The following MPDZ variants were observed in gnomAD, a reference collection of about 807,000 sequenced individuals.
The protein encoded by MPDZ is multiple PDZ domain protein.
A neutral mutation model predicts 239.1 loss-of-function variants in MPDZ; 234 were observed. The ratio of observed to expected loss-of-function variants is 0.98; its 90% confidence interval spans 0.88 to 1.09. The LOEUF (loss-of-function observed/expected upper bound fraction) is 1.09, where lower values mean the gene tolerates loss of function less well. Ranked by LOEUF, MPDZ falls within the 50% of genes least tolerant of loss-of-function variation. The pLI is 0.00. For missense variants in MPDZ, 3,175 were observed against 2,510.0 expected (o/e 1.26, Z -5.66); for synonymous variants, 1,048 against 881.3 (o/e 1.19, Z -3.35).
At chr9:13,233,518 G>A (rs118062893) in intron 3 of MPDZ, among the ~76,000 whole-genome samples, 1 of 152,066 alleles carries the variant, frequency 6.6e-6, no homozygotes, top group Non-Finnish European at 1.5e-5. Flanking sequence ...AGGACTGACT[G>A]AAAGGTGAAA....
intron 10 of MPDZ, among the ~76,000 whole-genome samples, chr9:13,212,441 G>C (rs915471188): frequency 6.6e-6 from 1 of 151,966 alleles, no homozygotes; most frequent in Non-Finnish European, 1.5e-5. Context: ...GTAAAGAAGT[G>C]AGTAATAAAC....
rs983169087 is a variant in MPDZ, at chr9:13,219,755, C to T, written c.890G>A (p.Cys297Tyr). The change falls in exon 8 of 47, where the codon TGC becomes TAC. Residue 297 changes from cysteine (C) to tyrosine (Y), a missense_variant. By Grantham distance (194) the Cys-to-Tyr change is radical. Coordinates refer to ENST00000319217, the MANE Select transcript of MPDZ (RefSeq NM_001378778.1). ...GGVADQHGRL[C>Y]SGDHILKIGD... The stretch of plus-strand genomic sequence containing the variant: ...AATCTTTAGAATGTGGTCTCCACTG[C>T]ATAAACGCCCATGCTGAGTAAAACA... The T allele has an allele frequency of 2.5e-6, 4 of 1,612,224 alleles. No individual in the cohort carries two copies. Among genetic ancestry groups the T allele is most frequent in the African/African-American group, 2.7e-5 (2 of 74,820 alleles).
At chr9:13,194,984 T>C (rs895391546) in intron 13 of MPDZ, among the ~76,000 whole-genome samples, 2 of 151,900 alleles carry the variant, frequency 1.3e-5, no homozygotes, top group Admixed American at 6.6e-5. Context: ...TCATTTTGAA[T>C]GTTTAAAAAA....
At chr9:13,182,268 T>C (rs1301512865) in intron 19 of MPDZ, among the ~76,000 whole-genome samples, 3 of 152,126 alleles carry the variant, frequency 2.0e-5, no homozygotes, top group South Asian at 4.1e-4. Context: ...ATGTTTATGG[T>C]ATATTTCCAA....
At chr9:13,265,564 C>T (rs1006487128) in intron 1 of MPDZ, among the ~76,000 whole-genome samples, 1 of 152,156 alleles carries the variant, frequency 6.6e-6, no homozygotes, top group Non-Finnish European at 1.5e-5. Context: ...AGCGAAACTC[C>T]ATCTCAAAAA....
intron 41 of MPDZ, among the ~76,000 whole-genome samples, chr9:13,113,631 G>C (rs1456160309): frequency 1.3e-5 from 2 of 152,046 alleles, no homozygotes; most frequent in African/African-American, 4.8e-5. Context: ...TGATTTACTG[G>C]TGTTACATTA....
rs1429585552 is a variant in MPDZ at position 13,206,085 on chromosome 9, G to T, written c.1305C>A (p.Asn435Lys). ...CTTGCTGATTAGTAAAACCCTGAAG[G>T]TTTGTGCCATCTACCTGTGATTAAA... ...GDQIIAVDGT[N>K]LQGFTNQQAV... Residue 435 changes from asparagine (N) to lysine (K), a missense_variant, in exon 11 of 47, where the codon AAC (asparagine) becomes AAA (lysine). Coordinates refer to ENST00000319217, the MANE Select transcript of MPDZ (RefSeq NM_001378778.1). The T allele has an allele frequency of 2.5e-6, 4 of 1,604,014 alleles. No homozygotes were observed. Among genetic ancestry groups the T allele is most frequent in the Non-Finnish European group, 3.4e-6 (4 of 1,176,712 alleles).
intron 24 of MPDZ, among the ~76,000 whole-genome samples, 166 bp downstream of exon 24, chr9:13,157,852 C>T (rs1050556997): frequency 2.6e-5 from 4 of 152,130 alleles, no homozygotes; most frequent in South Asian, 2.1e-4. Context: ...GTGTGATACA[C>T]ATTATTCTCT....
intron 26 of MPDZ, among the ~76,000 whole-genome samples, chr9:13,145,780 C>A (rs570202379): frequency 1.3e-5 from 2 of 152,004 alleles, no homozygotes; most frequent in African/African-American, 4.8e-5. Flanking sequence ...GTGTATGAGA[C>A]AAGATCTTCC....
chr9:13,262,645 T>C lies in MPDZ; in HGVS notation c.-57-12273A>G, dbSNP rs190756850. Among the ~76,000 whole-genome samples, 4 of 149,826 alleles carry C rather than the reference T, an allele frequency of 2.7e-5. No homozygotes were observed. The South Asian group carries it at 6.4e-4, about 24-fold the overall frequency. On this transcript the variant is annotated intron_variant, in intron 1 of 46. Coordinates refer to ENST00000319217, the MANE Select transcript of MPDZ (RefSeq NM_001378778.1). ...AGATGAACAAAAAATACTCTAGCAA[T>C]CTAAAAGAGGTTAGGAATGAGAAAA... is the stretch of plus-strand genomic sequence containing the variant.
chr9:13,128,297 C>A (rs997690671), intron 32 of MPDZ, among the ~76,000 whole-genome samples: 1 of 152,218 alleles, frequency 6.6e-6, no homozygotes, highest in East Asian at 1.9e-4. Context: ...AAAGGCACTT[C>A]CTCCTTGCTG....
intron 46 of MPDZ, among the ~76,000 whole-genome samples, chr9:13,108,413 T>C (rs1045045642): frequency 1.3e-5 from 2 of 152,170 alleles, no homozygotes; most frequent in East Asian, 1.9e-4. Context: ...CGCTGACTTA[T>C]TATAGATGAT....
At chr9:13,233,076 A>G (rs1962977203) in intron 3 of MPDZ, among the ~76,000 whole-genome samples, 1 of 152,178 alleles carries the variant, frequency 6.6e-6, no homozygotes, top group Non-Finnish European at 1.5e-5. Flanking sequence ...TGGAGCCACA[A>G]GAACTTTCAT....
chr9:13,221,281 G>A (rs1237161630), intron 7 of MPDZ, 91 bp downstream of exon 7: 2 of 1,362,650 alleles, frequency 1.5e-6, no homozygotes, highest in Non-Finnish European at 9.7e-7. Flanking sequence ...ATCATTTAAG[G>A]CCAAAGTTTC....
rs1946367626 is a variant in MPDZ, at chr9:13,133,840, T to C, written c.4448A>G (p.His1483Arg). 1 of 1,603,972 alleles carries C rather than the reference T, an allele frequency of 6.2e-7. No homozygotes were observed. Among genetic ancestry groups the C allele is most frequent in the African/African-American group, 1.3e-5 (1 of 74,698 alleles). ...VDLSSFKNVQHLELPKDQGGL... is the reference protein window; with the variant it reads ...VDLSSFKNVQRLELPKDQGGL... ...CAGATTTACCTTGGGAAGCTCCAGA[T>C]GTTGCACATTTTTAAATGAACTGAG... is the stretch of plus-strand genomic sequence containing the variant. Residue 1483 changes from histidine (H) to arginine (R), a missense_variant, in exon 32 of 47, where the codon CAT (histidine) becomes CGT (arginine). By Grantham distance (29) the His-to-Arg change is conservative. Coordinates refer to ENST00000319217, the MANE Select transcript of MPDZ (RefSeq NM_001378778.1).
chr9:13,148,173 G>A (rs893940833), intron 25 of MPDZ, among the ~76,000 whole-genome samples: 1 of 152,018 alleles, frequency 6.6e-6, no homozygotes, highest in East Asian at 1.9e-4. Flanking sequence ...TTTTGCAAAA[G>A]AATCCTTGCA....
At chr9:13,133,682 G>A (rs1348377748) in intron 32 of MPDZ, 142 bp downstream of exon 32, 3 of 535,284 alleles carry the variant, frequency 5.6e-6, no homozygotes, top group East Asian at 6.7e-5. Flanking sequence ...GTTTGAGTGG[G>A]CCCAAGTATT....
chr9:13,205,238 A>G (rs1207521358), intron 11 of MPDZ, 131 bp from the exon 12 acceptor site: 1 of 484,268 alleles, frequency 2.1e-6, no homozygotes, highest in Non-Finnish European at 3.5e-6. Context: ...CTCAATAACT[A>G]TATGTACTTA....
intron 22 of MPDZ, among the ~76,000 whole-genome samples, chr9:13,164,451 G>GT (rs1950816651): frequency 6.6e-6 from 1 of 151,964 alleles, no homozygotes; most frequent in Non-Finnish European, 1.5e-5. Context: ...AAGAAAACTG[G>GT]TATTATTCCT....
Sources: allele counts gnomAD v4.1 joint callset (sites outside exome capture counted in the v4.1 genomes callset), GRCh38; gene constraint gnomAD v4.1.1; transcripts MANE v1.5; gene names NCBI Gene and HGNC (gene_info 2026-07-23, HGNC 2026-07-21).